The following SHANK2 variants were observed in gnomAD, a reference collection of about 807,000 sequenced individuals.
The protein encoded by SHANK2 is SH3 and multiple ankyrin repeat domains 2, also known as SH3 and multiple ankyrin repeat domains protein 2.
A neutral mutation model predicts 133.7 loss-of-function variants in SHANK2; 43 were observed. The observed-to-expected ratio is 0.32, with a 90% CI of 0.25 to 0.41. The LOEUF (loss-of-function observed/expected upper bound fraction) is 0.41. SHANK2 is among the 10% of genes least tolerant of loss of function. SHANK2 has a pLI of 1.00. For synonymous variants in SHANK2, 1,017 were observed against 952.8 expected (o/e 1.07, Z -1.24); for missense variants, 1,994 against 2,235.8 (o/e 0.89, Z 2.18).
chr11:71,079,868 AG>A (rs1951272242), intron 8 of SHANK2, among the ~76,000 whole-genome samples: 2 of 58,040 alleles, frequency 3.4e-5, no homozygotes, highest in Non-Finnish European at 6.3e-5. Context: ...AAGGGAGGGG[AG>A]GGGAAGGGAG....
intron 15 of SHANK2, among the ~76,000 whole-genome samples, chr11:70,697,736 A>G (rs1945426700): frequency 6.6e-6 from 1 of 152,160 alleles, no homozygotes; most frequent in African/African-American, 2.4e-5. Flanking sequence ...CTCATCACAG[A>G]TATCCTGGAG....
At chr11:70,635,519 A>C (rs1247576557) in intron 17 of SHANK2, 2 of 143,226 alleles carry the variant, frequency 1.4e-5, no homozygotes, top group African/African-American at 5.1e-5. Flanking sequence ...GGTCAAATTC[A>C]TAGGGAGAGA....
chr11:70,595,890 G>A (rs1348213275), intron 17 of SHANK2, among the ~76,000 whole-genome samples: 1 of 152,244 alleles, frequency 6.6e-6, no homozygotes, highest in Non-Finnish European at 1.5e-5. Context: ...CTGGATTAGG[G>A]TAGGACTTTA....
At chr11:70,930,061 T>G (rs1950481685) in intron 10 of SHANK2, among the ~76,000 whole-genome samples, 1 of 152,216 alleles carries the variant, frequency 6.6e-6, no homozygotes, top group Non-Finnish European at 1.5e-5. Flanking sequence ...ACAGGTAACA[T>G]TTCAATGAAC....
chr11:70,595,810 C>T (rs1554989370), intron 17 of SHANK2, among the ~76,000 whole-genome samples: 2 of 152,266 alleles, frequency 1.3e-5, no homozygotes, highest in Admixed American at 6.5e-5. Context: ...CAAAACCCTT[C>T]TCTCAAACTG....
chr11:70,855,778 G>A (rs1350174502), intron 11 of SHANK2, among the ~76,000 whole-genome samples: 1 of 152,222 alleles, frequency 6.6e-6, no homozygotes, highest in Non-Finnish European at 1.5e-5. Context: ...GAGTTAAATC[G>A]ATGGCAGGAT....
At chr11:70,573,681 C>T (rs1488872497) in intron 17 of SHANK2, among the ~76,000 whole-genome samples, 3 of 152,152 alleles carry the variant, frequency 2.0e-5, no homozygotes, top group Non-Finnish European at 4.4e-5. Context: ...GAGCTGGAGT[C>T]CACATCCCAC....
chr11:70,564,401 G>A (rs1373654103), intron 17 of SHANK2, among the ~76,000 whole-genome samples: 1 of 151,902 alleles, frequency 6.6e-6, no homozygotes, highest in African/African-American at 2.4e-5. Context: ...TGGGATTACA[G>A]GCACCCACCA....
At chr11:70,529,224 C>T (rs1164075858) in intron 17 of SHANK2, among the ~76,000 whole-genome samples, 2 of 152,222 alleles carry the variant, frequency 1.3e-5, no homozygotes, top group Non-Finnish European at 2.9e-5. Context: ...CTACTTGCAA[C>T]AGCAGGGTCT....
chr11:71,074,849 G>A (rs1487855185), intron 9 of SHANK2, among the ~76,000 whole-genome samples: 1 of 148,242 alleles, frequency 6.7e-6, no homozygotes, highest in Admixed American at 6.8e-5. Context: ...GCACGGTCTC[G>A]GCTCACTGCA....
intron 11 of SHANK2, among the ~76,000 whole-genome samples, chr11:70,878,832 T>C (rs1949612883): frequency 6.6e-6 from 1 of 152,192 alleles, no homozygotes; most frequent in Non-Finnish European, 1.5e-5. Context: ...CATGAATGAA[T>C]GCTGAACGAT....
At chr11:70,538,779 C>A (rs1403959666) in intron 17 of SHANK2, among the ~76,000 whole-genome samples, 1 of 152,162 alleles carries the variant, frequency 6.6e-6, no homozygotes, top group Non-Finnish European at 1.5e-5. Flanking sequence ...AGCCCCATTC[C>A]ACACAGAGAA....
At chr11:70,520,313 G>A (rs1211896917) in intron 17 of SHANK2, among the ~76,000 whole-genome samples, 1 of 152,136 alleles carries the variant, frequency 6.6e-6, no homozygotes. Context: ...ACCACATTAC[G>A]TTTAGTTGCT....
chr11:71,142,812 C>CA (rs55892344), intron 3 of SHANK2, among the ~76,000 whole-genome samples: 32,499 of 135,484 alleles, frequency 0.24, 3,856 homozygotes, highest in South Asian at 0.33. Flanking sequence ...GAATCTAGTC[C>CA]AAAAAAAAAA....
intron 14 of SHANK2, among the ~76,000 whole-genome samples, chr11:70,770,656 A>T (rs1191940652): frequency 2.0e-5 from 3 of 152,172 alleles, no homozygotes; most frequent in Non-Finnish European, 4.4e-5. Context: ...GAGAAGTTGT[A>T]ACCGTTTACA....
At chr11:70,770,522 G>C (rs906199701) in intron 14 of SHANK2, among the ~76,000 whole-genome samples, 1 of 152,232 alleles carries the variant, frequency 6.6e-6, no homozygotes, top group Non-Finnish European at 1.5e-5. Context: ...AATGAGCCGG[G>C]GTCACCATGT....
At chr11:70,872,738 T>A (rs517114) in intron 11 of SHANK2, among the ~76,000 whole-genome samples, 108,734 of 151,888 alleles carry the variant, frequency 0.72, 39,124 homozygotes, top group South Asian at 0.85. Flanking sequence ...CCTGTTTTCC[T>A]CCACACTGAC....
At chr11:71,152,117 G>C (rs1436616673) in intron 2 of SHANK2, among the ~76,000 whole-genome samples, 1 of 152,086 alleles carries the variant, frequency 6.6e-6, no homozygotes, top group South Asian at 2.1e-4. Context: ...AATTCACTTT[G>C]TTTGTTTTTT....
chr11:71,095,329 G>C (rs1444458979), intron 6 of SHANK2, among the ~76,000 whole-genome samples: 1 of 152,250 alleles, frequency 6.6e-6, no homozygotes, highest in African/African-American at 2.4e-5. Context: ...CCCTGGACCA[G>C]TCTGCAGATG....
Sources: allele counts gnomAD v4.1 joint callset (sites outside exome capture counted in the v4.1 genomes callset), GRCh38; gene constraint gnomAD v4.1.1; transcripts MANE v1.5; gene names NCBI Gene and HGNC (gene_info 2026-07-23, HGNC 2026-07-21).